The following PIK3CB variants were observed in gnomAD, a reference collection of about 807,000 sequenced individuals.
PIK3CB encodes the protein phosphatidylinositol-4,5-bisphosphate 3-kinase catalytic subunit beta.
A neutral mutation model predicts 136.8 loss-of-function variants in PIK3CB; 39 were observed. That is an observed-to-expected ratio of 0.29 (90% confidence interval 0.22 to 0.37). The LOEUF (loss-of-function observed/expected upper bound fraction) is 0.37. PIK3CB is among the 10% of genes least tolerant of loss of function. PIK3CB has a pLI of 1.00. For missense variants in PIK3CB, 868 were observed against 1,275.4 expected (o/e 0.68, Z 4.87); for synonymous variants, 428 against 436.6 (o/e 0.98, Z 0.25).
intron 14 of PIK3CB, among the ~76,000 whole-genome samples, chr3:138,693,936 A>AATATATAT (rs1179221176): frequency 1.7e-4 from 11 of 64,602 alleles, no homozygotes; most frequent in Non-Finnish European, 2.8e-4. Context: ...ATTTGCTTAA[A>AATATATAT]ATATATATAT....
rs137905031 is a variant in PIK3CB at position 138,686,400 on chromosome 3, C to T, written c.2137-1597G>A. 8.6e-3 allele frequency among the ~76,000 whole-genome samples: 1,305 copies of T among 151,886 alleles called. 27 individuals are homozygous for T. Among genetic ancestry groups the T allele is most frequent in the African/African-American group, 0.029 (1,183 of 41,402 alleles). ...GTTGTAGTGAGCCAAGATCATGCCA[C>T]TGTACTCCAGCCTGGGTGACAGAGT... On this transcript the variant is annotated intron_variant, in intron 16 of 23. Coordinates refer to ENST00000674063, the MANE Select transcript of PIK3CB (RefSeq NM_006219.3).
intron 1 of PIK3CB, among the ~76,000 whole-genome samples, chr3:138,828,328 G>C (rs1341345925): frequency 6.6e-6 from 1 of 151,462 alleles, no homozygotes; most frequent in Non-Finnish European, 1.5e-5. Flanking sequence ...TGGGATTACA[G>C]GCGCCCGCCA....
intron 2 of PIK3CB, among the ~76,000 whole-genome samples, chr3:138,788,211 C>T (rs934334075): frequency 6.6e-6 from 1 of 151,984 alleles, no homozygotes; most frequent in Non-Finnish European, 1.5e-5. Flanking sequence ...GCATGAGCCA[C>T]CACGCCTGGA....
intron 19 of PIK3CB, among the ~76,000 whole-genome samples, chr3:138,676,987 G>A (rs1230558301): frequency 1.3e-5 from 2 of 151,716 alleles, no homozygotes; most frequent in African/African-American, 4.8e-5. Context: ...AGTGAATTGT[G>A]ATATGACAAT....
chr3:138,763,157 G>A (rs1300887016), intron 2 of PIK3CB, among the ~76,000 whole-genome samples: 2 of 62,282 alleles, frequency 3.2e-5, no homozygotes, highest in Non-Finnish European at 4.0e-5. Context: ...TATTTGTTTA[G>A]AGATGGAGTC....
chr3:138,713,593 C>T (rs943936333), intron 9 of PIK3CB, among the ~76,000 whole-genome samples: 18 of 152,038 alleles, frequency 1.2e-4, no homozygotes, highest in Non-Finnish European at 2.2e-4. Context: ...ATCGCTTGAT[C>T]CCGGGAGGCG....
At chr3:138,764,227 C>T (rs1455646881) in intron 2 of PIK3CB, among the ~76,000 whole-genome samples, 2 of 151,256 alleles carry the variant, frequency 1.3e-5, no homozygotes, top group African/African-American at 4.9e-5. Flanking sequence ...GGCAGGAGGA[C>T]TGCTTGAGCC....
chr3:138,764,111 C>CA (rs143635044), intron 2 of PIK3CB, among the ~76,000 whole-genome samples: 1,182 of 78,874 alleles, frequency 0.015, 19 homozygotes, highest in African/African-American at 0.038. Context: ...ACTCCATCTC[C>CA]AAAAAAAAAA....
chr3:138,656,339 G>C, intron 22 of PIK3CB, 65 bp from the exon 23 acceptor site: 1 of 1,522,732 alleles, frequency 6.6e-7, no homozygotes, highest in Non-Finnish European at 9.0e-7. Context: ...TTTCATACAG[G>C]AAATTAAGAA....
intron 19 of PIK3CB, among the ~76,000 whole-genome samples, chr3:138,665,588 A>T (rs1293535752): frequency 1.3e-5 from 2 of 152,182 alleles, no homozygotes; most frequent in East Asian, 3.8e-4. Context: ...TAGCCACTAT[A>T]CATATTATCT....
In PIK3CB at chr3:138,742,421, T is replaced by C. The variant is rs942036133; in HGVS notation, c.621+137A>G. ...ACTATTATATATAATCCTAAATACA[T>C]TTCTATCTGAAATATAAAATTGTTC... On this transcript the variant is annotated intron_variant, in intron 5 of 23. Transcript: ENST00000674063. The C allele has an allele frequency of 1.2e-5, 7 of 583,050 alleles. No individual in the cohort carries two copies. The Admixed American group carries it at 1.9e-4, about 16-fold the overall frequency. 36.1% of individuals were successfully genotyped at this position (583,050 alleles called of 1,614,324 possible). A position where few individuals can be genotyped will look rare whatever the true frequency, so the allele number is the denominator to read the frequency against.
Position 138,721,249 on chromosome 3 carries a change from G to A in PIK3CB, c.1051-6530C>T, listed in dbSNP as rs2044720907. Among the ~76,000 whole-genome samples, 4 of 151,890 alleles carry A rather than the reference G, an allele frequency of 2.6e-5. No homozygotes were observed. The South Asian group carries it at 8.3e-4, about 32-fold the overall frequency. ...ATGATCTCGGCTCACTGCAACATCC[G>A]CCTTCTGGGTTCAAGCAATTCTCCT... On this transcript the variant is annotated intron_variant, in intron 8 of 23. Coordinates refer to ENST00000674063, the MANE Select transcript of PIK3CB (RefSeq NM_006219.3).
At chr3:138,825,280 C>A (rs1300410844) in intron 1 of PIK3CB, 1 of 457,770 alleles carries the variant, frequency 2.2e-6, no homozygotes, top group Non-Finnish European at 4.0e-6. Context: ...GCTGACTGTG[C>A]TGTTCTGATT....
chr3:138,765,099 C>T (rs1306922837), intron 2 of PIK3CB, among the ~76,000 whole-genome samples: 2 of 152,040 alleles, frequency 1.3e-5, no homozygotes, highest in African/African-American at 2.4e-5. Context: ...GGAGGTGAAT[C>T]ACTTGAGGTC....
intron 1 of PIK3CB, among the ~76,000 whole-genome samples, chr3:138,833,199 TG>T (rs2108944945): frequency 6.6e-6 from 1 of 151,742 alleles, no homozygotes; most frequent in East Asian, 2.0e-4. Context: ...CCCAAGTAGC[TG>T]GGATTACAAG....
At chr3:138,783,704 C>T (rs1340308629) in intron 2 of PIK3CB, among the ~76,000 whole-genome samples, 2 of 152,032 alleles carry the variant, frequency 1.3e-5, no homozygotes, top group Non-Finnish European at 2.9e-5. Flanking sequence ...AAGCAGAGTA[C>T]AGGGGCAGAA....
intron 13 of PIK3CB, among the ~76,000 whole-genome samples, chr3:138,696,076 T>C (rs980038343): frequency 1.8e-4 from 28 of 152,078 alleles, no homozygotes; most frequent in African/African-American, 6.7e-4. Context: ...GCATAAATTG[T>C]TAACTTATAT....
chr3:138,771,223 C>CTTTTTTTT (rs34387538), intron 2 of PIK3CB, among the ~76,000 whole-genome samples: 1 of 129,842 alleles, frequency 7.7e-6, no homozygotes, highest in Non-Finnish European at 1.6e-5. Context: ...TTCATTTTGC[C>CTTTTTTTT]TTTTTTTTTT....
In PIK3CB at chr3:138,694,870, G is replaced by T; in HGVS notation, c.1808C>A (p.Pro603His). 8 of 1,611,994 alleles carry T rather than the reference G, an allele frequency of 5.0e-6. No homozygotes were observed. The highest frequency in any genetic ancestry group is 6.8e-6 in the Non-Finnish European group (8 of 1,179,002). Residue 603 changes from proline to histidine, a missense_variant, in exon 14 of 24, where the codon CCC becomes CAC. Pro to His is a moderately conservative substitution (Grantham distance 77). Transcript: ENST00000674063. ...ATCCAGAAGCTCTAGGGCCTCCCGG[G>T]GGGGCAGTTTAGGCCAAATCTGAAG... ...ALLQIWPKLP[P>H]REALELLDFN...
Sources: gnomAD v4.1 joint callset for allele counts (sites outside exome capture counted in the v4.1 genomes callset) on GRCh38, gnomAD v4.1.1 for gene constraint, MANE v1.5 for transcripts, NCBI Gene and HGNC (gene_info 2026-07-23, HGNC 2026-07-21) for gene names.